Variants in TMEM33 observed in about 807,000 individuals in gnomAD.
The protein encoded by TMEM33 is transmembrane protein 33.
In TMEM33, 16 loss-of-function variants were observed where a neutral mutation model predicts 29.7. The ratio of observed to expected loss-of-function variants is 0.54; its 90% CI spans 0.36 to 0.82. The LOEUF (loss-of-function observed/expected upper bound fraction) is 0.82. Ranked by LOEUF, TMEM33 falls within the 40% of genes least tolerant of loss-of-function variation. TMEM33 has a pLI of 0.00. For missense variants in TMEM33, 252 were observed against 295.3 expected (o/e 0.85, Z 1.08); for synonymous variants, 112 against 109.4 (o/e 1.02, Z -0.15).
Position 41,940,046 on chromosome 4 carries a change from C to CCTTTTTT in TMEM33, c.328+663_328+664insCTTTTTT, listed in dbSNP as rs1553910603. 1.4e-3 allele frequency among the ~76,000 whole-genome samples: 117 copies of CCTTTTTT among 81,372 alleles called. 6 individuals carry two copies. Among genetic ancestry groups the CCTTTTTT allele is most frequent in the African/African-American group, 5.7e-3 (102 of 17,916 alleles). The allele number at this position is 81,372 out of a possible 152,430, so 53.4% of individuals were successfully genotyped here. ...TATAGTGAACACTAGGTTAAACTTT[C>CCTTTTTT]TTTTTTTTTTTTTTTTTTTTTTTTG... On this transcript the variant is annotated intron_variant, in intron 3 of 6. Transcript: ENST00000504986.
Position 41,935,513 on chromosome 4 carries a change from A to G in TMEM33, c.29A>G (p.Gln10Arg). ...GCAGATACGACCCCGAACGGCCCCC[A>G]AGGGGCGGGCGCTGTGGTAAGTGCG... MADTTPNGPQGAGAVQFMMT... is the reference protein window; with the variant it reads MADTTPNGPRGAGAVQFMMT... Residue 10 changes from glutamine to arginine, a missense_variant, in exon 1 of 7, where the codon CAA (glutamine) becomes CGA (arginine). Transcript: ENST00000504986. 2 of 1,609,258 alleles carry G rather than the reference A, an allele frequency of 1.2e-6. No homozygotes were observed. Among genetic ancestry groups the G allele is most frequent in the Non-Finnish European group, 1.7e-6 (2 of 1,177,886 alleles).
Sources: gnomAD v4.1 joint callset for allele counts (sites outside exome capture counted in the v4.1 genomes callset) on GRCh38, gnomAD v4.1.1 for gene constraint, MANE v1.5 for transcripts, NCBI Gene and HGNC (gene_info 2026-07-23, HGNC 2026-07-21) for gene names.